The following HMCN1 variants were observed in gnomAD, a reference collection of about 807,000 sequenced individuals.
HMCN1 encodes the protein hemicentin 1.
In HMCN1, 321 loss-of-function variants were observed where a neutral mutation model predicts 625.9. The observed-to-expected ratio is 0.51, with a 90% CI of 0.47 to 0.56. The LOEUF is 0.56. HMCN1 is among the 20% of genes least tolerant of loss of function. HMCN1 has a pLI of 0.00. For synonymous variants in HMCN1, 2,425 were observed against 2,417.6 expected (o/e 1.00, Z -0.09); for missense variants, 6,588 against 6,887.3 (o/e 0.96, Z 1.54).
chr1:186,163,116 C>T (rs950988551), intron 97 of HMCN1, among the ~76,000 whole-genome samples: 22 of 152,228 alleles, frequency 1.4e-4, no homozygotes, highest in East Asian at 7.7e-4. Context: ...AAATGGCGGG[C>T]GCCCCTCCCC....
At chr1:186,183,958 G>T (rs1477884033) in intron 105 of HMCN1, among the ~76,000 whole-genome samples, 2 of 152,142 alleles carry the variant, frequency 1.3e-5, no homozygotes, top group Admixed American at 1.3e-4. Context: ...GAAGGCAACA[G>T]GGCAGATACC....
intron 26 of HMCN1, 141 bp downstream of exon 26, chr1:186,000,380 A>G (rs1292023057): frequency 7.5e-6 from 5 of 670,412 alleles, no homozygotes; most frequent in Non-Finnish European, 1.3e-5. Context: ...GTATGATTGC[A>G]TTTATTATTT....
chr1:185,994,711 T>A lies in HMCN1; in HGVS notation c.3506-104T>A, dbSNP rs749890676. ...GCCTAGGTCCAAATTCTGAAATTAT[T>A]TCACTTTTCCATGGCTGCCTGTTGA... On this transcript the variant is annotated intron_variant, in intron 23 of 106. Transcript: ENST00000271588. 5.6e-4 allele frequency: 654 copies of A among 1,177,852 alleles called. 1 individual carries two copies. Among genetic ancestry groups the A allele is most frequent in the Non-Finnish European group, 7.5e-4 (597 of 794,812 alleles). The allele number at this position is 1,177,852 out of a possible 1,614,324, so 73.0% of individuals were successfully genotyped here.
intron 1 of HMCN1, among the ~76,000 whole-genome samples, chr1:185,738,396 G>C (rs1653742967): frequency 6.6e-6 from 1 of 152,240 alleles, no homozygotes. Flanking sequence ...TTTTATACAA[G>C]TAGAGTCATA....
intron 1 of HMCN1, among the ~76,000 whole-genome samples, chr1:185,786,283 C>G (rs747773875): frequency 6.6e-6 from 1 of 152,204 alleles, no homozygotes; most frequent in African/African-American, 2.4e-5. Context: ...TTGGAACTTA[C>G]ATTTACACAG....
Position 186,136,610 on chromosome 1 carries a change from A to AT in HMCN1, c.13313-57dup, listed in dbSNP as rs1571402966. ...AAATAATGTCGCCATATAATACATG[A>AT]TAAAAAAAAATGCTGTAACTCCACA... is the stretch of plus-strand genomic sequence containing the variant. On this transcript the variant is annotated intron_variant, in intron 86 of 106. Coordinates refer to ENST00000271588, the MANE Select transcript of HMCN1 (RefSeq NM_031935.3). The AT allele has an allele frequency of 3.9e-6, 6 of 1,523,456 alleles. No individual in the cohort carries two copies. In the East Asian group the frequency reaches 6.8e-5, roughly 17 times the overall value. The allele number at this position is 1,523,456 out of a possible 1,614,324, so 94.4% of individuals were successfully genotyped here. A position where few individuals can be genotyped will look rare whatever the true frequency, so the allele number is the denominator to read the frequency against.
At position 186,189,792 on chromosome 1, in the gene HMCN1, C is replaced by T. The variant is rs1453011195; in HGVS notation, c.16822C>T (p.Arg5608Ter). 4 of 1,613,414 alleles carry T rather than the reference C, an allele frequency of 2.5e-6. No individual in the cohort carries two copies. The highest frequency in any genetic ancestry group is 1.1e-5 in the South Asian group (1 of 91,032). ...REAETYRMRVRASSYSANGTI... is the reference protein window; with the variant it reads ...REAETYRMRV Reference sequence around the variant, plus strand: ...AGCAGAGACCTACCGCATGAGGGTCCGAGCCTCATCCTACAGTGCCAATGG... The same window carrying T: ...AGCAGAGACCTACCGCATGAGGGTCTGAGCCTCATCCTACAGTGCCAATGG... Residue 5608 changes from arginine to a stop codon, truncating the protein, a stop_gained, in exon 107 of 107, where the codon CGA (arginine) becomes TGA (stop). Coordinates refer to ENST00000271588, the MANE Select transcript of HMCN1 (RefSeq NM_031935.3). LOFTEE classifies it high-confidence loss of function.
At chr1:185,765,372 T>C (rs902885126) in intron 1 of HMCN1, among the ~76,000 whole-genome samples, 1 of 152,130 alleles carries the variant, frequency 6.6e-6, no homozygotes, top group Non-Finnish European at 1.5e-5. Flanking sequence ...GGAAGCCAAA[T>C]TAGACATATA....
chr1:185,779,862 A>T (rs1277870925), intron 1 of HMCN1, among the ~76,000 whole-genome samples: 3 of 152,168 alleles, frequency 2.0e-5, no homozygotes, highest in Admixed American at 2.0e-4. Flanking sequence ...ACTTTAAAGT[A>T]GTTTTTTCCA....
At chr1:185,776,857 C>T (rs1656649899) in intron 1 of HMCN1, among the ~76,000 whole-genome samples, 1 of 152,144 alleles carries the variant, frequency 6.6e-6, no homozygotes, top group Non-Finnish European at 1.5e-5. Context: ...TAAGACTTTA[C>T]AGATTTTCTT....
At chr1:185,888,646 C>T (rs1251441736) in intron 4 of HMCN1, among the ~76,000 whole-genome samples, 1 of 147,402 alleles carries the variant, frequency 6.8e-6, no homozygotes, top group African/African-American at 2.7e-5. Context: ...TCTGAGGGCT[C>T]TGTTGTGTTC....
chr1:185,751,221 A>G (rs1654792993), intron 1 of HMCN1, among the ~76,000 whole-genome samples: 1 of 152,144 alleles, frequency 6.6e-6, no homozygotes, highest in African/African-American at 2.4e-5. Context: ...ACAAATAGGA[A>G]ATCCTTTTGG....
At chr1:186,064,346 G>C (rs988349115) in intron 48 of HMCN1, among the ~76,000 whole-genome samples, 1 of 151,814 alleles carries the variant, frequency 6.6e-6, no homozygotes, top group Non-Finnish European at 1.5e-5. Flanking sequence ...CCTAGAGGCT[G>C]TAAATATTAA....
At position 185,984,116 on chromosome 1, in the gene HMCN1, C is replaced by T. The variant is rs551691763; in HGVS notation, c.2791-53C>T. ...AAAGAAAAAGCAGGTTCATTTTTGA[C>T]TCTCACAAATCCTTTCTTTTTAAAT... On this transcript the variant is annotated intron_variant, in intron 18 of 106. Coordinates refer to ENST00000271588, the MANE Select transcript of HMCN1 (RefSeq NM_031935.3). The T allele has an allele frequency of 4.8e-6, 7 of 1,470,198 alleles. No homozygotes were observed. In the African/African-American group the frequency reaches 9.9e-5, roughly 21 times the overall value. The allele number at this position is 1,470,198 out of a possible 1,614,324, so 91.1% of individuals were successfully genotyped here. A position where few individuals can be genotyped will look rare whatever the true frequency, so the allele number is the denominator to read the frequency against.
chr1:186,066,764 T>A (rs996270447), intron 49 of HMCN1, among the ~76,000 whole-genome samples: 3 of 152,214 alleles, frequency 2.0e-5, no homozygotes, highest in Admixed American at 1.3e-4. Context: ...GTTTGCTCCC[T>A]TTCTCTGCCC....
chr1:186,081,456 G>C lies in HMCN1; in HGVS notation c.8787+62G>C, dbSNP rs1356724103. The C allele has an allele frequency of 2.5e-6, 3 of 1,207,386 alleles. No homozygotes were observed. The African/African-American group carries it at 4.6e-5, about 18-fold the overall frequency. The allele number at this position is 1,207,386 out of a possible 1,614,324, so 74.8% of individuals were successfully genotyped here. On this transcript the variant is annotated intron_variant, in intron 56 of 106. Transcript: ENST00000271588. ...TTTGACTTTGCACTTTGTAATAATT[G>C]TTTTTGACTTTTAAAAATAATTTTT...
chr1:185,938,348 G>A (rs1667921955), intron 11 of HMCN1, among the ~76,000 whole-genome samples: 1 of 152,124 alleles, frequency 6.6e-6, no homozygotes, highest in African/African-American at 2.4e-5. Context: ...TTCCCCATAA[G>A]CATATGACTA....
chr1:186,067,976 A>C lies in HMCN1; in HGVS notation c.7848A>C (p.Leu2616Phe), dbSNP rs1362259901. The change falls in exon 50 of 107, where the codon TTA (leucine) becomes TTC (phenylalanine). Residue 2616 changes from leucine to phenylalanine, a missense_variant. Leu to Phe is a conservative substitution (Grantham distance 22, BLOSUM62 0). Coordinates refer to ENST00000271588, the MANE Select transcript of HMCN1 (RefSeq NM_031935.3). ...TITWFKDGTP[L>F]ESNRNIRILP... ...CCTGGTTTAAGGATGGCACTCCTTT[A>C]GAATCTAACCGAAATATTCGTATTC... is the stretch of plus-strand genomic sequence containing the variant. 1.2e-6 allele frequency: 2 copies of C among 1,613,826 alleles called. No individual in the cohort carries two copies. Among genetic ancestry groups the C allele is most frequent in the East Asian group, 4.5e-5 (2 of 44,826 alleles).
rs1458945530 is a variant in HMCN1 at position 185,734,774 on chromosome 1, AAG to A, written c.-4_-3del. 4 of 1,614,062 alleles carry A rather than the reference AAG, an allele frequency of 2.5e-6. No individual in the cohort carries two copies. Among genetic ancestry groups the A allele is most frequent in the Admixed American group, 3.3e-5 (2 of 60,002 alleles). On this transcript the variant is annotated 5_prime_UTR_variant, in exon 1 of 107. Coordinates refer to ENST00000271588, the MANE Select transcript of HMCN1 (RefSeq NM_031935.3). ...GAGGGGGAAAAAGAGGGGGAAAAAA[AAG>A]AAAATGATTTCCTGGGAAGTTGTCC...
Sources: gnomAD v4.1 joint callset for allele counts (sites outside exome capture counted in the v4.1 genomes callset) on GRCh38, gnomAD v4.1.1 for gene constraint, MANE v1.5 for transcripts, NCBI Gene and HGNC (gene_info 2026-07-23, HGNC 2026-07-21) for gene names.